WIPI2: variants seen among roughly 807,000 people sequenced by gnomAD.
The protein encoded by WIPI2 is WD repeat domain phosphoinositide-interacting protein 2.
In WIPI2, 28 loss-of-function variants were observed where a neutral mutation model predicts 52.3. That is an observed-to-expected ratio of 0.54 (90% CI 0.40 to 0.73). The LOEUF (loss-of-function observed/expected upper bound fraction) is 0.73. Among genes scored for constraint, WIPI2 ranks in the 30% least tolerant of loss-of-function variants. WIPI2 has a pLI of 0.00. For synonymous variants in WIPI2, 268 were observed against 245.0 expected, an observed-to-expected ratio of 1.09 and a Z score of -0.88; for missense variants, 506 against 602.9, an observed-to-expected ratio of 0.84 and a Z score of 1.68.
Position 5,229,569 on chromosome 7 carries a change from G to C in WIPI2, c.1122-39G>C, listed in dbSNP as rs542379655. ...TGTGTACTGCCCGCAGGGCTGCCCT[G>C]TGTGGAGACGCTGAGCTGTGTCGCT... On this transcript the variant is annotated intron_variant, in intron 11 of 12. Coordinates refer to ENST00000288828, the MANE Select transcript of WIPI2 (RefSeq NM_015610.4). 1.6e-5 allele frequency: 26 copies of C among 1,600,120 alleles called. No homozygotes were observed. In the South Asian group the frequency reaches 2.7e-4, roughly 17 times the overall value.
At chr7:5,205,394 G>C (rs1782245184) in intron 3 of WIPI2, among the ~76,000 whole-genome samples, 1 of 152,230 alleles carries the variant, frequency 6.6e-6, no homozygotes, top group African/African-American at 2.4e-5. Flanking sequence ...TTGTAAATGT[G>C]ATGAGAGTTA....
In WIPI2 at chr7:5,218,024, C is replaced by T; in HGVS notation, c.669+10C>T. ...CACGGCTTCGGAGAAGGTGAGTCTG[C>T]TTTTCCCCGGGGGAGCACTGGTGCC... is the stretch of plus-strand genomic sequence containing the variant. On this transcript the variant is annotated intron_variant, in intron 7 of 12. Transcript: ENST00000288828. 2 of 1,614,044 alleles carry T rather than the reference C, an allele frequency of 1.2e-6. No homozygotes were observed. The highest frequency in any genetic ancestry group is 2.7e-5 in the African/African-American group (2 of 75,056).
chr7:5,194,726 G>GGGTAGCTCA (rs1781659572), intron 2 of WIPI2, among the ~76,000 whole-genome samples: 1 of 152,180 alleles, frequency 6.6e-6, no homozygotes, highest in African/African-American at 2.4e-5. Context: ...CCTCCCGCCT[G>GGGTAGCTCA]GGTAGCTCAG....
At chr7:5,222,771 C>T in intron 8 of WIPI2, 99 bp downstream of exon 8, 2 of 1,199,822 alleles carry the variant, frequency 1.7e-6, no homozygotes, top group Non-Finnish European at 2.4e-6. Flanking sequence ...CAGGAGAATT[C>T]CACACGAGCA....
At chr7:5,216,818 A>T (rs1009056313) in intron 5 of WIPI2, 159 bp downstream of exon 5, 1 of 735,728 alleles carries the variant, frequency 1.4e-6, no homozygotes. Context: ...GATGCTGGTC[A>T]TGTGACCACA....
intron 3 of WIPI2, among the ~76,000 whole-genome samples, chr7:5,205,327 T>TA (rs1782243444): frequency 6.6e-6 from 1 of 152,222 alleles, no homozygotes; most frequent in Non-Finnish European, 1.5e-5. Context: ...CCAGAGTGAT[T>TA]GGTCGTTCAT....
chr7:5,231,221 A>G lies in WIPI2; in HGVS notation c.*274A>G, dbSNP rs1177486651. 2.8e-6 allele frequency: 1 copy of G among 358,036 alleles called. No homozygotes were observed. The highest frequency in any genetic ancestry group is 4.7e-5 in the Admixed American group (1 of 21,074). The allele number at this position is 358,036 out of a possible 1,614,324, so 22.2% of individuals were successfully genotyped here. On this transcript the variant is annotated 3_prime_UTR_variant, in exon 13 of 13. Coordinates refer to ENST00000288828, the MANE Select transcript of WIPI2 (RefSeq NM_015610.4). ...AAATTAACTGTTTGGTGAAGCCCGC[A>G]AAACCTCCTCGCTTTGCATGCATGA...
At chr7:5,195,837 G>A (rs188884218) in intron 2 of WIPI2, among the ~76,000 whole-genome samples, 3 of 151,592 alleles carry the variant, frequency 2.0e-5, no homozygotes, top group Non-Finnish European at 2.9e-5. Context: ...TCAGGAGTTC[G>A]AGACCAGCCT....
intron 3 of WIPI2, among the ~76,000 whole-genome samples, chr7:5,212,833 G>A (rs1028833995): frequency 7.2e-5 from 11 of 152,154 alleles, no homozygotes; most frequent in African/African-American, 2.2e-4. Flanking sequence ...CCTCTTTCTC[G>A]CCCACCGCCT....
intron 2 of WIPI2, among the ~76,000 whole-genome samples, chr7:5,195,104 A>C (rs1781681490): frequency 6.6e-6 from 1 of 152,140 alleles, no homozygotes; most frequent in Admixed American, 6.6e-5. Flanking sequence ...GGCACAGTTG[A>C]AGGTGGGGAT....
chr7:5,225,736 G>T (rs34223175), intron 8 of WIPI2, 87 bp from the exon 9 acceptor site: 42,644 of 901,456 alleles, frequency 0.047, 1,313 homozygotes, highest in South Asian at 0.11. Flanking sequence ...GTGTGCCCGT[G>T]ACAGGAACTC....
At chr7:5,190,770 G>C in intron 1 of WIPI2, 1 of 321,066 alleles carries the variant, frequency 3.1e-6, no homozygotes, top group Non-Finnish European at 5.6e-6. Flanking sequence ...CCTGGCTTCA[G>C]ACTTAACTAC....
At chr7:5,222,268 G>GT (rs1562404117) in intron 7 of WIPI2, among the ~76,000 whole-genome samples, 1 of 152,182 alleles carries the variant, frequency 6.6e-6, no homozygotes, top group African/African-American at 2.4e-5. Flanking sequence ...ATTTTTAATA[G>GT]TTTAAACTTC....
intron 2 of WIPI2, among the ~76,000 whole-genome samples, chr7:5,197,111 C>CCAAA (rs1781777472): frequency 1.8e-5 from 1 of 56,428 alleles, no homozygotes; most frequent in Admixed American, 2.5e-4. Flanking sequence ...GACTCCGTCT[C>CCAAA]AAAAAACAAA....
intron 7 of WIPI2, chr7:5,218,859 G>A (rs969612388): frequency 9.2e-5 from 14 of 152,054 alleles, no homozygotes; most frequent in Non-Finnish European, 1.6e-4. Context: ...GGTCGCGTCT[G>A]TTCTCCCGCC....
Position 5,214,541 on chromosome 7 carries a change from C to T in WIPI2, c.218C>T (p.Thr73Met), listed in dbSNP as rs747057093. 1.9e-6 allele frequency: 3 copies of T among 1,614,242 alleles called. No individual in the cohort carries two copies. Among genetic ancestry groups the T allele is most frequent in the Admixed American group, 1.7e-5 (1 of 60,026 alleles). The change falls in exon 4 of 13, where the codon ACG becomes ATG. Residue 73 changes from threonine (T) to methionine (M), a missense_variant. Around this residue, in one of 4 missense-constraint regions of WIPI2, gnomAD observed 237 missense variants for 346.9 expected, o/e 0.68. Transcript: ENST00000288828. ...CTTCCCTTTGTGATTTCAGCCGATACGGAAGATGTGTGCATTGTAGAGAGA... is the reference window on the plus strand; with the variant it reads ...CTTCCCTTTGTGATTTCAGCCGATATGGAAGATGTGTGCATTGTAGAGAGA... ...KLEQIYECTD[T>M]EDVCIVERLF... is the part of the protein sequence containing the mutation.
At chr7:5,220,243 CTTTT>C (rs11318842) in intron 7 of WIPI2, among the ~76,000 whole-genome samples, 2 of 128,948 alleles carry the variant, frequency 1.6e-5, no homozygotes, top group Non-Finnish European at 3.3e-5. Flanking sequence ...CTGCTTTTTG[CTTTT>C]TTTTTTTTTT....
intron 3 of WIPI2, among the ~76,000 whole-genome samples, chr7:5,211,760 A>C (rs1055900381): frequency 6.6e-6 from 1 of 152,206 alleles, no homozygotes; most frequent in African/African-American, 2.4e-5. Context: ...AATGAAGCTG[A>C]GAGTCCAACT....
chr7:5,210,915 C>T (rs537272405), intron 3 of WIPI2, among the ~76,000 whole-genome samples: 1 of 151,688 alleles, frequency 6.6e-6, no homozygotes, highest in Admixed American at 6.6e-5. Context: ...ATTGAACTCG[C>T]GGCTCGCATA....
Sources: gnomAD v4.1 joint callset for allele counts (sites outside exome capture counted in the v4.1 genomes callset) on GRCh38, gnomAD v4.1.1 for gene constraint, gnomAD v4.1.1 regional missense constraint, MANE v1.5 for transcripts, NCBI Gene and HGNC (gene_info 2026-07-23, HGNC 2026-07-21) for gene names.